LRRTM4: variants seen among roughly 807,000 people sequenced by gnomAD.
LRRTM4 encodes leucine rich repeat transmembrane neuronal 4.
In LRRTM4, 25 loss-of-function variants were observed where a neutral mutation model predicts 47.6. The ratio of observed to expected loss-of-function variants is 0.53; its 90% CI spans 0.38 to 0.73. The LOEUF is 0.73. Among genes scored for constraint, LRRTM4 ranks in the 30% least tolerant of loss-of-function variants. LRRTM4 has a pLI of 0.00. For synonymous variants in LRRTM4, 311 were observed against 269.5 expected (o/e 1.15, Z -1.51); for missense variants, 638 against 713.4 (o/e 0.89, Z 1.20).
intron 3 of LRRTM4, among the ~76,000 whole-genome samples, chr2:77,469,513 A>G (rs967959189): frequency 1.3e-5 from 2 of 152,232 alleles, no homozygotes; most frequent in Non-Finnish European, 2.9e-5. Context: ...AGGTTAACAC[A>G]TAAATCAGAA....
At chr2:76,874,093 C>T (rs1672713154) in intron 3 of LRRTM4, among the ~76,000 whole-genome samples, 1 of 151,156 alleles carries the variant, frequency 6.6e-6, no homozygotes, top group Non-Finnish European at 1.5e-5. Context: ...TCAGATCACA[C>T]GGTAAAGGTA....
At chr2:76,990,892 C>T (rs2860936) in intron 3 of LRRTM4, among the ~76,000 whole-genome samples, 9,472 of 151,638 alleles carry the variant, frequency 0.062, 895 homozygotes, top group African/African-American at 0.21. Flanking sequence ...TGACCACATG[C>T]TTGGCTATAA....
chr2:77,518,977 T>G lies in LRRTM4; in HGVS notation c.892A>C (p.Asn298His), dbSNP rs1280439437. 1 of 1,612,026 alleles carries G rather than the reference T, an allele frequency of 6.2e-7. No individual in the cohort carries two copies. The highest frequency in any genetic ancestry group is 2.2e-5 in the East Asian group (1 of 44,792). Residue 298 changes from asparagine (N) to histidine (H), a missense_variant, in exon 3 of 4, where the codon AAT becomes CAT. Transcript: ENST00000409884. ...ATGGATATTAATGATATCCACGCAT[T>G]GACAGTTTCCTGTGAGATATTGGTG... Reference protein sequence around the residue: ...KLTNISQETVNAWISLISITL... With the variant: ...KLTNISQETVHAWISLISITL...
intron 3 of LRRTM4, among the ~76,000 whole-genome samples, chr2:76,840,228 T>TC (rs1191900103): frequency 6.6e-6 from 1 of 152,188 alleles, no homozygotes; most frequent in Non-Finnish European, 1.5e-5. Context: ...TTTATTTTTT[T>TC]CCCCAAAACT....
chr2:77,297,769 T>C (rs541240808), intron 3 of LRRTM4, among the ~76,000 whole-genome samples: 7 of 152,184 alleles, frequency 4.6e-5, no homozygotes, highest in African/African-American at 7.2e-5. Context: ...AATAATGATA[T>C]AATGAGAGAA....
At chr2:76,992,189 G>C (rs984477462) in intron 3 of LRRTM4, among the ~76,000 whole-genome samples, 1 of 151,714 alleles carries the variant, frequency 6.6e-6, no homozygotes, top group Non-Finnish European at 1.5e-5. Flanking sequence ...ATAATGGGTG[G>C]GCAAATGCTG....
At chr2:77,360,538 ATACAATCAT>A (rs1296834970) in intron 3 of LRRTM4, among the ~76,000 whole-genome samples, 1 of 127,262 alleles carries the variant, frequency 7.9e-6, no homozygotes, top group African/African-American at 3.1e-5. Flanking sequence ...ATACGATACA[ATACAATCAT>A]TCATACATAC....
intron 3 of LRRTM4, among the ~76,000 whole-genome samples, chr2:77,213,905 G>A (rs1447447131): frequency 4.6e-5 from 7 of 150,852 alleles, no homozygotes; most frequent in Non-Finnish European, 8.9e-5. Flanking sequence ...AATAAATGTG[G>A]AACCAAAATG....
intron 3 of LRRTM4, among the ~76,000 whole-genome samples, chr2:77,353,019 G>T (rs564657497): frequency 6.6e-6 from 1 of 152,020 alleles, no homozygotes; most frequent in South Asian, 2.1e-4. Flanking sequence ...ATTATAAAAT[G>T]CTAATTTCTT....
intron 3 of LRRTM4, among the ~76,000 whole-genome samples, chr2:77,467,154 G>C (rs1677012710): frequency 6.6e-6 from 1 of 152,128 alleles, no homozygotes; most frequent in South Asian, 2.1e-4. Flanking sequence ...TGGTTAAGGA[G>C]AAGGAGTTGA....
chr2:77,496,921 A>G (rs980725818), intron 3 of LRRTM4, among the ~76,000 whole-genome samples: 2 of 151,710 alleles, frequency 1.3e-5, no homozygotes, highest in Non-Finnish European at 3.0e-5. Flanking sequence ...GTTGCCACCT[A>G]CACCTAGATT....
intron 3 of LRRTM4, among the ~76,000 whole-genome samples, chr2:77,174,302 C>A (rs1218716003): frequency 6.6e-6 from 1 of 152,182 alleles, no homozygotes; most frequent in Non-Finnish European, 1.5e-5. Flanking sequence ...TCAGGCCTGG[C>A]AACCTTAAAA....
chr2:77,254,286 C>T (rs866775626), intron 3 of LRRTM4, among the ~76,000 whole-genome samples: 1 of 151,838 alleles, frequency 6.6e-6, no homozygotes, highest in African/African-American at 2.4e-5. Flanking sequence ...AACTATCATC[C>T]TAGATTCTAT....
At chr2:76,755,661 C>A (rs2104066189) in intron 3 of LRRTM4, among the ~76,000 whole-genome samples, 1 of 152,196 alleles carries the variant, frequency 6.6e-6, no homozygotes, top group East Asian at 1.9e-4. Context: ...GAGAAAAATG[C>A]AGAGTTTTGA....
chr2:77,250,962 G>A (rs929745270), intron 3 of LRRTM4, among the ~76,000 whole-genome samples: 1 of 151,972 alleles, frequency 6.6e-6, no homozygotes, highest in Non-Finnish European at 1.5e-5. Flanking sequence ...AATCAGCTGG[G>A]CATGGTGGTG....
chr2:76,960,869 C>T (rs1675834212), intron 3 of LRRTM4, among the ~76,000 whole-genome samples: 1 of 151,302 alleles, frequency 6.6e-6, no homozygotes, highest in South Asian at 2.1e-4. Flanking sequence ...GAATTTTTGG[C>T]ACATTTTAAA....
intron 3 of LRRTM4, among the ~76,000 whole-genome samples, chr2:76,953,764 T>C (rs1192956743): frequency 3.3e-5 from 5 of 151,940 alleles, no homozygotes; most frequent in Admixed American, 2.0e-4. Flanking sequence ...GAGTAGAATG[T>C]GCATCTGATA....
chr2:77,289,552 A>G (rs763453992), intron 3 of LRRTM4, among the ~76,000 whole-genome samples: 3 of 152,040 alleles, frequency 2.0e-5, no homozygotes, highest in Non-Finnish European at 4.4e-5. Context: ...TCATGCCAAT[A>G]ATAACACAGG....
intron 3 of LRRTM4, among the ~76,000 whole-genome samples, chr2:77,113,932 C>G (rs1215968703): frequency 6.6e-5 from 10 of 152,212 alleles, no homozygotes; most frequent in Middle Eastern, 6.8e-3. Flanking sequence ...GCCGCGGAAG[C>G]TGCAAGTAGC....
Sources: gnomAD v4.1 joint callset for allele counts (sites outside exome capture counted in the v4.1 genomes callset) on GRCh38, gnomAD v4.1.1 for gene constraint, MANE v1.5 for transcripts, NCBI Gene and HGNC (gene_info 2026-07-23, HGNC 2026-07-21) for gene names.